Variants in RANBP2 observed in about 807,000 individuals in gnomAD.
RANBP2 encodes the protein E3 SUMO-protein ligase RanBP2.
In RANBP2, 57 loss-of-function variants were observed where a neutral mutation model predicts 303.6. The observed-to-expected ratio is 0.19, with a 90% CI of 0.15 to 0.23. The LOEUF (loss-of-function observed/expected upper bound fraction) is 0.23, where lower values mean the gene tolerates loss of function less well. RANBP2 is among the 10% of genes least tolerant of loss of function. The pLI is 1.00. For missense variants in RANBP2, 3,138 were observed against 3,780.8 expected, an observed-to-expected ratio of 0.83 and a Z score of 4.46; for synonymous variants, 1,167 against 1,301.5, an observed-to-expected ratio of 0.90 and a Z score of 2.23.
the RANBP2 span, among the ~76,000 whole-genome samples, chr2:109,682,460 G>A: frequency 6.6e-6 from 1 of 152,178 alleles, no homozygotes; most frequent in Non-Finnish European, 1.5e-5. Context: ...GTCTGTGAGT[G>A]GTGAAGGGCC....
the RANBP2 span, among the ~76,000 whole-genome samples, chr2:109,421,715 C>T: frequency 1.3e-5 from 2 of 152,110 alleles, no homozygotes; most frequent in East Asian, 1.9e-4. Flanking sequence ...GGAAGGGAAA[C>T]TTATGTGTCG....
the RANBP2 span, among the ~76,000 whole-genome samples, chr2:109,549,138 T>C: frequency 6.6e-6 from 1 of 152,194 alleles, no homozygotes; most frequent in Non-Finnish European, 1.5e-5. Context: ...TCCCCAGATG[T>C]CATTCAAATC....
At chr2:109,147,997 CT>C in the RANBP2 span, among the ~76,000 whole-genome samples, 1 of 152,292 alleles carries the variant, frequency 6.6e-6, no homozygotes, top group East Asian at 1.9e-4. Flanking sequence ...CTGTGGGCCC[CT>C]CAAAATCCAT....
intron 1 of RANBP2, among the ~76,000 whole-genome samples, chr2:108,720,711 G>A (rs1423003794): frequency 1.3e-5 from 2 of 152,208 alleles, no homozygotes; most frequent in East Asian, 3.8e-4. Flanking sequence ...TTGACACATA[G>A]CACTAAATGT....
chr2:109,443,500 G>T, the RANBP2 span, among the ~76,000 whole-genome samples: 1 of 152,138 alleles, frequency 6.6e-6, no homozygotes, highest in South Asian at 2.1e-4. Context: ...TGACTTGGGG[G>T]TTACAAATCG....
At chr2:109,442,310 CA>C in the RANBP2 span, among the ~76,000 whole-genome samples, 2,161 of 75,880 alleles carry the variant, frequency 0.028, 38 homozygotes, top group African/African-American at 0.082. Context: ...GACTCCACCT[CA>C]AAAAAAAAAA....
the RANBP2 span, among the ~76,000 whole-genome samples, chr2:109,628,280 T>C: frequency 6.6e-6 from 1 of 152,032 alleles, no homozygotes; most frequent in African/African-American, 2.4e-5. Context: ...GATCACTTGA[T>C]GTCAGGAGTT....
At chr2:108,823,610 G>T in the RANBP2 span, among the ~76,000 whole-genome samples, 2 of 152,234 alleles carry the variant, frequency 1.3e-5, no homozygotes, top group Admixed American at 6.5e-5. Flanking sequence ...ATCTTAGGCA[G>T]TTGTAACACA....
the RANBP2 span, among the ~76,000 whole-genome samples, chr2:109,339,586 G>T: frequency 2.6e-5 from 4 of 152,222 alleles, no homozygotes; most frequent in African/African-American, 9.6e-5. Context: ...CCTGGAGGGT[G>T]CCTGGGTGGG....
In RANBP2 at chr2:108,745,887, T is replaced by C. The variant is rs71421343; in HGVS notation, c.976-824T>C. ...TTTAGTAGAAACTAATTTCTCAGAG[T>C]TGCTCTGTGTATGCTTTTTTTTTTT... is the stretch of plus-strand genomic sequence containing the variant. On this transcript the variant is annotated intron_variant, in intron 7 of 28. Coordinates refer to ENST00000283195, the MANE Select transcript of RANBP2 (RefSeq NM_006267.5). 6.6e-4 allele frequency among the ~76,000 whole-genome samples: 100 copies of C among 150,954 alleles called. 1 individual carries two copies. The highest frequency in any genetic ancestry group is 6.8e-3 in the Middle Eastern group (2 of 294).
At chr2:109,562,372 C>A in the RANBP2 span, among the ~76,000 whole-genome samples, 1 of 151,834 alleles carries the variant, frequency 6.6e-6, no homozygotes, top group Non-Finnish European at 1.5e-5. Flanking sequence ...TTCCACCTGC[C>A]CCCCTCCCCC....
the RANBP2 span, among the ~76,000 whole-genome samples, chr2:109,707,612 C>T: frequency 6.6e-6 from 1 of 152,200 alleles, no homozygotes; most frequent in Non-Finnish European, 1.5e-5. Flanking sequence ...CCTCCCATGA[C>T]CCAGCCACTG....
the RANBP2 span, among the ~76,000 whole-genome samples, chr2:109,494,075 G>A: frequency 4.6e-5 from 7 of 152,200 alleles, no homozygotes; most frequent in Non-Finnish European, 7.3e-5. Flanking sequence ...CTTTGGGATA[G>A]TTCAAAGCTG....
At chr2:108,816,015 A>AG in the RANBP2 span, 1 of 1,613,872 alleles carries the variant, frequency 6.2e-7, no homozygotes, top group Non-Finnish European at 8.5e-7. Context: ...ATCTTAGCAA[A>AG]GTGAAACATG....
chr2:109,579,282 CAA>C, the RANBP2 span, among the ~76,000 whole-genome samples: 2 of 152,004 alleles, frequency 1.3e-5, 1 homozygote, highest in Admixed American at 1.3e-4. Flanking sequence ...AAATTAAACT[CAA>C]AATCTTCTTA....
the RANBP2 span, among the ~76,000 whole-genome samples, chr2:109,056,992 T>A: frequency 6.6e-6 from 1 of 152,248 alleles, no homozygotes; most frequent in African/African-American, 2.4e-5. Flanking sequence ...TGTTTTTCAG[T>A]CTCTTGGGTT....
chr2:109,287,925 C>T, the RANBP2 span, among the ~76,000 whole-genome samples: 1 of 152,242 alleles, frequency 6.6e-6, no homozygotes, highest in East Asian at 1.9e-4. Flanking sequence ...TCTCTACATC[C>T]AGGACCTGCC....
At chr2:108,776,095 T>G (rs1233905572) in intron 24 of RANBP2, among the ~76,000 whole-genome samples, 159 bp downstream of exon 24, 4 of 152,120 alleles carry the variant, frequency 2.6e-5, no homozygotes, top group Non-Finnish European at 5.9e-5. Context: ...CCAGAAAAAT[T>G]ATACTGTGTT....
chr2:108,727,382 T>TA (rs1694808722), intron 1 of RANBP2, among the ~76,000 whole-genome samples: 2 of 152,210 alleles, frequency 1.3e-5, no homozygotes, highest in Admixed American at 1.3e-4. Context: ...CTGCAAAAGT[T>TA]ACAGCCATAG....
Sources: allele counts gnomAD v4.1 joint callset (sites outside exome capture counted in the v4.1 genomes callset), GRCh38; gene constraint gnomAD v4.1.1; transcripts MANE v1.5; gene names NCBI Gene and HGNC (gene_info 2026-07-23, HGNC 2026-07-21).